TTBK2: variants seen among roughly 807,000 people sequenced by gnomAD.
TTBK2 encodes the protein tau tubulin kinase 2.
A neutral mutation model predicts 110.8 loss-of-function variants in TTBK2; 28 were observed. That is an observed-to-expected ratio of 0.25 (90% confidence interval 0.19 to 0.35). The LOEUF (loss-of-function observed/expected upper bound fraction) is 0.35, where lower values mean the gene tolerates loss of function less well. Ranked by LOEUF, TTBK2 falls within the 10% of genes least tolerant of loss-of-function variation. TTBK2 has a pLI of 1.00. For missense variants in TTBK2, 1,369 were observed against 1,500.3 expected, an observed-to-expected ratio of 0.91 and a Z score of 1.45; for synonymous variants, 532 against 527.3, an observed-to-expected ratio of 1.01 and a Z score of -0.12.
At chr15:42,755,667 G>A (rs533353738) in intron 13 of TTBK2, among the ~76,000 whole-genome samples, 1 of 152,106 alleles carries the variant, frequency 6.6e-6, no homozygotes, top group South Asian at 2.1e-4. Context: ...GGTTCTATTG[G>A]TACTGTTTTC....
intron 3 of TTBK2, among the ~76,000 whole-genome samples, chr15:42,848,509 A>G (rs1317947439): frequency 6.8e-6 from 1 of 147,128 alleles, no homozygotes; most frequent in African/African-American, 2.5e-5. Context: ...TTTTTTTTTG[A>G]GACAGAGTTT....
chr15:42,889,297 T>A (rs1000590904), intron 1 of TTBK2, among the ~76,000 whole-genome samples: 2 of 152,192 alleles, frequency 1.3e-5, no homozygotes, highest in African/African-American at 2.4e-5. Flanking sequence ...TCTGGGTAGA[T>A]ACTTTAACTG....
intron 1 of TTBK2, among the ~76,000 whole-genome samples, chr15:42,885,316 G>A (rs868716243): frequency 6.6e-6 from 1 of 152,182 alleles, no homozygotes. Flanking sequence ...ACATCTCACC[G>A]ATTTTAAATC....
chr15:42,808,156 A>T (rs1036273221), intron 9 of TTBK2, among the ~76,000 whole-genome samples: 1 of 152,224 alleles, frequency 6.6e-6, no homozygotes, highest in Admixed American at 6.5e-5. Context: ...GAGACACATG[A>T]AAGATTCCTG....
intron 10 of TTBK2, among the ~76,000 whole-genome samples, chr15:42,787,602 C>T (rs1890463764): frequency 1.3e-5 from 2 of 152,240 alleles, no homozygotes; most frequent in East Asian, 3.9e-4. Context: ...AAAACAGTAA[C>T]TTTATAGTAG....
intron 1 of TTBK2, among the ~76,000 whole-genome samples, chr15:42,908,722 G>C (rs941529461): frequency 3.9e-5 from 6 of 152,094 alleles, no homozygotes; most frequent in African/African-American, 1.4e-4. Flanking sequence ...ATAAAAGAAA[G>C]CTGAAGATAA....
chr15:42,822,968 C>T (rs771489093), intron 6 of TTBK2, among the ~76,000 whole-genome samples: 1 of 152,026 alleles, frequency 6.6e-6, no homozygotes, highest in Non-Finnish European at 1.5e-5. Context: ...TGAGCCCTGG[C>T]CTATTGCTAA....
chr15:42,760,108 G>A (rs924488409), intron 13 of TTBK2, among the ~76,000 whole-genome samples: 2 of 151,998 alleles, frequency 1.3e-5, no homozygotes, highest in African/African-American at 2.4e-5. Context: ...TAAATGGGCC[G>A]GGTGTGGTGG....
intron 3 of TTBK2, among the ~76,000 whole-genome samples, chr15:42,844,319 T>C (rs1377701500): frequency 6.6e-6 from 1 of 152,114 alleles, no homozygotes; most frequent in Non-Finnish European, 1.5e-5. Context: ...TCCCAACACT[T>C]TGGAAGGCTG....
chr15:42,800,245 A>G (rs1891126789), intron 9 of TTBK2: 1 of 423,508 alleles, frequency 2.4e-6, no homozygotes, highest in Non-Finnish European at 4.6e-6. Flanking sequence ...TTAACCAACA[A>G]AAATATATTA....
At chr15:42,833,355 C>T (rs1268101967) in intron 4 of TTBK2, among the ~76,000 whole-genome samples, 1 of 148,608 alleles carries the variant, frequency 6.7e-6, no homozygotes, top group Non-Finnish European at 1.5e-5. Flanking sequence ...AATAAAAATG[C>T]AAGTGAATTG....
At chr15:42,821,208 G>A (rs563722799) in intron 6 of TTBK2, among the ~76,000 whole-genome samples, 10 of 152,124 alleles carry the variant, frequency 6.6e-5, no homozygotes, top group Non-Finnish European at 1.3e-4. Flanking sequence ...TGTGAATAAA[G>A]AAATTCTGGA....
Position 42,755,011 on chromosome 15 carries a change from GAAAAAAAAAA to G in TTBK2, c.1999-1774_1999-1765del, listed in dbSNP as rs71431863. On this transcript the variant is annotated intron_variant, in intron 13 of 14. Coordinates refer to ENST00000267890, the MANE Select transcript of TTBK2 (RefSeq NM_173500.4). Reference sequence around the variant, plus strand: ...CAATAAGAGTGAAGCTCCATCTCAGGAAAAAAAAAAAAAAAAAAAAAAATCAAGCCTATGA... The same window carrying G: ...CAATAAGAGTGAAGCTCCATCTCAGGAAAAAAAAAAAAATCAAGCCTATGA... Among the ~76,000 whole-genome samples, 3 of 69,848 alleles carry G rather than the reference GAAAAAAAAAA, an allele frequency of 4.3e-5. No homozygotes were observed. The Admixed American group carries it at 5.5e-4, about 13-fold the overall frequency. 45.8% of individuals were successfully genotyped at this position (69,848 alleles called of 152,430 possible).
At chr15:42,874,174 C>T (rs554790596) in intron 2 of TTBK2, among the ~76,000 whole-genome samples, 11 of 152,218 alleles carry the variant, frequency 7.2e-5, no homozygotes, top group African/African-American at 2.6e-4. Context: ...GAAACTAAGC[C>T]TTTTCAAAGA....
intron 3 of TTBK2, 130 bp downstream of exon 3, chr15:42,872,481 C>T (rs889523979): frequency 4.4e-5 from 46 of 1,043,892 alleles, no homozygotes; most frequent in Non-Finnish European, 6.3e-5. Context: ...AAATGCTCAG[C>T]GTATTTATAC....
chr15:42,745,827 T>G lies in TTBK2; in HGVS notation c.3703A>C (p.Lys1235Gln). Residue 1235 changes from lysine to glutamine, a missense_variant, in exon 15 of 15, where the codon AAG becomes CAG. Coordinates refer to ENST00000267890, the MANE Select transcript of TTBK2 (RefSeq NM_173500.4). Reference sequence around the variant, plus strand: ...CTGAGTTTACTGGCTGGCTTACTCTTCCCTTGGGGGGTTTTAGTGCTGGCT... The same window carrying G: ...CTGAGTTTACTGGCTGGCTTACTCTGCCCTTGGGGGGTTTTAGTGCTGGCT... ...HSASTKTPQG[K>Q]SKPASKLSR The G allele has an allele frequency of 6.2e-7, 1 of 1,614,158 alleles. No homozygotes were observed.
chr15:42,825,507 T>G (rs1051466949), intron 6 of TTBK2, among the ~76,000 whole-genome samples: 1 of 151,960 alleles, frequency 6.6e-6, no homozygotes, highest in African/African-American at 2.4e-5. Flanking sequence ...GGTGAGGAGT[T>G]CAAGACCAGC....
chr15:42,828,650 G>A (rs1216589692), intron 5 of TTBK2, among the ~76,000 whole-genome samples: 2 of 150,966 alleles, frequency 1.3e-5, no homozygotes, highest in African/African-American at 4.9e-5. Flanking sequence ...TTGAATCCAG[G>A]AGGCGGAGAT....
chr15:42,758,859 C>CGAGCCTG (rs758086886), intron 13 of TTBK2, among the ~76,000 whole-genome samples: 7 of 152,206 alleles, frequency 4.6e-5, no homozygotes, highest in African/African-American at 9.6e-5. Flanking sequence ...ACAGTCCTAG[C>CGAGCCTG]GAGCCTGGAG....
Sources: allele counts gnomAD v4.1 joint callset (sites outside exome capture counted in the v4.1 genomes callset), GRCh38; gene constraint gnomAD v4.1.1; transcripts MANE v1.5; gene names NCBI Gene and HGNC (gene_info 2026-07-23, HGNC 2026-07-21).